The following CHD2 variants were observed in gnomAD, a reference collection of about 807,000 sequenced individuals.
CHD2 encodes chromodomain helicase DNA binding protein 2, also known as ATP-dependent chromatin remodeler CHD2.
Under a neutral mutation model 243.9 loss-of-function variants are expected in CHD2, and 28 were observed. That is an observed-to-expected ratio of 0.11 (90% CI 0.09 to 0.16). CHD2 has a LOEUF of 0.16. Ranked by LOEUF, CHD2 falls within the 10% of genes least tolerant of loss-of-function variation. The probability of loss-of-function intolerance (pLI) is 1.00; values close to 1 mark genes in which losing one functional copy is unlikely to be tolerated. For synonymous variants in CHD2, 775 were observed against 779.0 expected (o/e 0.99, Z 0.09); for missense variants, 1,386 against 2,209.8 (o/e 0.63, Z 7.47).
chr15:93,018,461 C>T (rs2141893031), intron 37 of CHD2, among the ~76,000 whole-genome samples: 1 of 152,334 alleles, frequency 6.6e-6, no homozygotes, highest in East Asian at 1.9e-4. Flanking sequence ...CTTTGATCTT[C>T]ACATAATTAT....
intron 36 of CHD2, among the ~76,000 whole-genome samples, chr15:93,013,549 C>T (rs2054419073): frequency 6.6e-6 from 1 of 152,162 alleles, no homozygotes; most frequent in South Asian, 2.1e-4. Flanking sequence ...CTAAAGCATG[C>T]AGTTTTGCTT....
chr15:92,901,414 A>G, intron 2 of CHD2, 115 bp downstream of exon 2: 3 of 697,742 alleles, frequency 4.3e-6, no homozygotes, highest in Middle Eastern at 4.8e-4. Flanking sequence ...TGTTTTTCTA[A>G]TTTGGATTCG....
intron 28 of CHD2, among the ~76,000 whole-genome samples, chr15:92,994,325 A>G (rs149648497): frequency 8.8e-4 from 134 of 152,316 alleles, no homozygotes; most frequent in African/African-American, 2.9e-3. Flanking sequence ...CTGGCTTGCA[A>G]TGTTAGCTGT....
chr15:92,943,156 C>T (rs1015230822), intron 9 of CHD2, 88 bp downstream of exon 9: 4 of 1,027,548 alleles, frequency 3.9e-6, no homozygotes, highest in Non-Finnish European at 5.7e-6. Flanking sequence ...TCACAGCTAT[C>T]TAGAATCTCA....
intron 26 of CHD2, among the ~76,000 whole-genome samples, chr15:92,985,976 CTT>C (rs2054037605): frequency 6.6e-6 from 1 of 152,110 alleles, no homozygotes; most frequent in African/African-American, 2.4e-5. Context: ...TATATACAGA[CTT>C]ATGTATCTGT....
At chr15:92,962,201 C>G (rs1263255295) in intron 16 of CHD2, among the ~76,000 whole-genome samples, 2 of 151,730 alleles carry the variant, frequency 1.3e-5, no homozygotes, top group Admixed American at 6.6e-5. Flanking sequence ...CTGTTTATTT[C>G]CACTCTCAAA....
intron 4 of CHD2, among the ~76,000 whole-genome samples, chr15:92,927,841 C>T (rs72761948): frequency 0.029 from 4,464 of 152,248 alleles, 101 homozygotes; most frequent in Middle Eastern, 0.099. Flanking sequence ...AAATGAGTTT[C>T]AAACATACTT....
chr15:92,938,441 C>T (rs72761955), intron 6 of CHD2, among the ~76,000 whole-genome samples: 26,068 of 152,168 alleles, frequency 0.17, 2,979 homozygotes, highest in Non-Finnish European at 0.25. Flanking sequence ...CCCCATTTTG[C>T]CTCTTGGCTG....
intron 4 of CHD2, among the ~76,000 whole-genome samples, chr15:92,928,496 C>T (rs201715769): frequency 6.6e-6 from 1 of 151,722 alleles, no homozygotes; most frequent in Admixed American, 6.6e-5. Flanking sequence ...TGAACATACT[C>T]TTAAATGAGT....
chr15:92,989,000 T>C (rs2054080837), intron 26 of CHD2, among the ~76,000 whole-genome samples: 1 of 151,690 alleles, frequency 6.6e-6, no homozygotes, highest in Non-Finnish European at 1.5e-5. Context: ...CTGCTTTTTT[T>C]CCTATGTATA....
intron 2 of CHD2, among the ~76,000 whole-genome samples, chr15:92,910,649 G>A (rs1258051695): frequency 3.9e-5 from 6 of 152,042 alleles, no homozygotes. Context: ...TGCCACCTCC[G>A]CCTCCCAAAG....
chr15:92,962,282 T>C (rs1198288702), intron 16 of CHD2, among the ~76,000 whole-genome samples: 2 of 152,100 alleles, frequency 1.3e-5, no homozygotes, highest in Admixed American at 6.5e-5. Flanking sequence ...AGATTACTGA[T>C]GTAAAACTTT....
At chr15:92,984,953 A>AT in intron 25 of CHD2, among the ~76,000 whole-genome samples, 1 of 152,354 alleles carries the variant, frequency 6.6e-6, no homozygotes, top group South Asian at 2.1e-4. Flanking sequence ...CACAGACACT[A>AT]TCTAATTTGA....
At chr15:92,964,490 T>G (rs2053729917) in intron 16 of CHD2, among the ~76,000 whole-genome samples, 1 of 152,198 alleles carries the variant, frequency 6.6e-6, no homozygotes, top group Admixed American at 6.5e-5. Context: ...GAAAAACTAT[T>G]GTAAAGGAGA....
intron 16 of CHD2, among the ~76,000 whole-genome samples, chr15:92,958,239 A>G (rs949398708): frequency 6.6e-6 from 1 of 152,194 alleles, no homozygotes; most frequent in African/African-American, 2.4e-5. Flanking sequence ...TGAAGGTTCT[A>G]GTTTCCCTGC....
At chr15:93,005,890 T>G (rs780485222) in intron 34 of CHD2, among the ~76,000 whole-genome samples, 1 of 152,222 alleles carries the variant, frequency 6.6e-6, no homozygotes, top group Non-Finnish European at 1.5e-5. Context: ...AAATGATATC[T>G]AATGTTCTAT....
At chr15:92,985,897 C>T (rs1277272136) in intron 26 of CHD2, among the ~76,000 whole-genome samples, 1 of 152,208 alleles carries the variant, frequency 6.6e-6, no homozygotes, top group Non-Finnish European at 1.5e-5. Context: ...CTATTTCTCT[C>T]TTATTCTCTG....
intron 5 of CHD2, among the ~76,000 whole-genome samples, chr15:92,931,916 A>T (rs551917517): frequency 7.0e-6 from 1 of 142,420 alleles, no homozygotes; most frequent in Admixed American, 7.3e-5. Flanking sequence ...AGGCTGGGGT[A>T]CAGTGGCGCA....
Position 92,934,463 on chromosome 15 carries a change from TAA to T in CHD2, c.444-3054_444-3053del, listed in dbSNP as rs1260949128. Among the ~76,000 whole-genome samples, 3 of 152,254 alleles carry T rather than the reference TAA, an allele frequency of 2.0e-5. No homozygotes were observed. In the East Asian group the frequency reaches 5.8e-4, roughly 29 times the overall value. On this transcript the variant is annotated intron_variant, in intron 5 of 38. Transcript: ENST00000394196. The stretch of plus-strand genomic sequence containing the variant: ...TAATGGCCTCTAAAGCTGGATATTG[TAA>T]GTTTCCTTTGATAGACATTTTTTGC...
Sources: gnomAD v4.1 joint callset for allele counts (sites outside exome capture counted in the v4.1 genomes callset) on GRCh38, gnomAD v4.1.1 for gene constraint, MANE v1.5 for transcripts, NCBI Gene and HGNC (gene_info 2026-07-23, HGNC 2026-07-21) for gene names.